The following FCGR2B variants were observed in gnomAD, a reference collection of about 807,000 sequenced individuals.
FCGR2B encodes the protein low affinity immunoglobulin gamma Fc region receptor II-b.
In FCGR2B, 18 loss-of-function variants were observed where a neutral mutation model predicts 24.8. That is an observed-to-expected ratio of 0.73 (90% CI 0.50 to 1.08). The LOEUF (loss-of-function observed/expected upper bound fraction) is 1.08, where lower values mean the gene tolerates loss of function less well. FCGR2B is among the 50% of genes least tolerant of loss of function. FCGR2B has a pLI of 0.00. For synonymous variants in FCGR2B, 79 were observed against 109.8 expected (o/e 0.72, Z 1.75); for missense variants, 215 against 297.6 (o/e 0.72, Z 2.04).
upstream of FCGR2B, among the ~76,000 whole-genome samples, chr1:161,661,219 A>AAGG (rs1491138087): frequency 5.1e-5 from 6 of 118,808 alleles, no homozygotes; most frequent in African/African-American, 2.1e-4. Flanking sequence ...AGAAAGAAAG[A>AAGG]AAGAAAGAAA....
chr1:161,677,160 G>C (rs547046965), intron 6 of FCGR2B, 168 bp from the exon 7 acceptor site: 10 of 687,722 alleles, frequency 1.5e-5, no homozygotes, highest in South Asian at 3.4e-5. Context: ...CCTATGCATC[G>C]ATCAATGAGG....
upstream of FCGR2B, among the ~76,000 whole-genome samples, chr1:161,661,093 T>TAAAGG (rs1557894634): frequency 2.8e-5 from 1 of 35,134 alleles, no homozygotes; most frequent in Admixed American, 2.8e-4. Flanking sequence ...TAAAGTAAAG[T>TAAAGG]AAAAAGAAAG....
intron 6 of FCGR2B, chr1:161,675,746 A>T (rs1269756059): frequency 4.2e-6 from 1 of 236,418 alleles, no homozygotes; most frequent in Non-Finnish European, 8.3e-6. Flanking sequence ...TGATTTGCTG[A>T]GGAATCTGCC....
upstream of FCGR2B, among the ~76,000 whole-genome samples, chr1:161,661,262 G>C (rs1309358693): frequency 1.2e-4 from 3 of 24,456 alleles, no homozygotes; most frequent in Non-Finnish European, 3.8e-4. Context: ...AAGAAAGAAA[G>C]GAAGGAAGCA....
At chr1:161,675,841 GA>G (rs1175369474) in intron 6 of FCGR2B, 3 of 234,252 alleles carry the variant, frequency 1.3e-5, no homozygotes, top group Admixed American at 5.6e-5. Flanking sequence ...AATTCTGGGG[GA>G]CTAGGGGCAC....
At chr1:161,649,419 G>C in the FCGR2B span, among the ~76,000 whole-genome samples, 1 of 151,036 alleles carries the variant, frequency 6.6e-6, no homozygotes, top group Non-Finnish European at 1.5e-5. Flanking sequence ...AAGAATGGAA[G>C]TTCATTTCTC....
the FCGR2B span, among the ~76,000 whole-genome samples, chr1:161,647,599 C>T: frequency 6.6e-6 from 1 of 150,534 alleles, no homozygotes; most frequent in Non-Finnish European, 1.5e-5. Flanking sequence ...GCCACTGTGC[C>T]CGGCCTGCTC....
the FCGR2B span, among the ~76,000 whole-genome samples, chr1:161,656,230 T>C: frequency 3.1e-4 from 46 of 148,224 alleles, 2 homozygotes; most frequent in South Asian, 8.1e-3. Flanking sequence ...TTTTTATATC[T>C]GTCTCCTGCA....
chr1:161,671,335 C>A (rs2102659767), intron 2 of FCGR2B, 57 bp from the exon 3 acceptor site: 1 of 1,613,320 alleles, frequency 6.2e-7, no homozygotes, highest in East Asian at 2.2e-5. Flanking sequence ...AGATTCAGGG[C>A]CTCTCAAGCT....
upstream of FCGR2B, among the ~76,000 whole-genome samples, chr1:161,661,156 A>T (rs1018798407): frequency 3.6e-5 from 1 of 27,734 alleles, no homozygotes; most frequent in Non-Finnish European, 9.1e-5. Context: ...GAAAGAAAGG[A>T]AGAAAGAAAG....
chr1:161,650,030 C>T, the FCGR2B span, among the ~76,000 whole-genome samples: 1 of 150,490 alleles, frequency 6.6e-6, no homozygotes, highest in East Asian at 1.9e-4. Context: ...ATTTTTTAGA[C>T]AGAGTCTCAC....
At chr1:161,677,265 T>C in intron 6 of FCGR2B, 63 bp from the exon 7 acceptor site, 1 of 1,533,830 alleles carries the variant, frequency 6.5e-7, no homozygotes. Flanking sequence ...AGCCTCAGCA[T>C]CAGCACAGGC....
At chr1:161,650,500 G>A in the FCGR2B span, among the ~76,000 whole-genome samples, 1 of 146,106 alleles carries the variant, frequency 6.8e-6, no homozygotes, top group Non-Finnish European at 1.5e-5. Context: ...CTTTGTTGTG[G>A]GGGGCTATGC....
At position 161,671,760 on chromosome 1, in the gene FCGR2B, G is replaced by A. The variant is rs558965153; in HGVS notation, c.391+111G>A. The A allele has an allele frequency of 2.6e-4, 402 of 1,560,894 alleles. 3 individuals are homozygous for A. The African/African-American group carries it at 3.9e-3, about 15-fold the overall frequency. On this transcript the variant is annotated intron_variant, in intron 3 of 7. Coordinates refer to ENST00000358671, the MANE Select transcript of FCGR2B (RefSeq NM_001394477.1). Reference sequence around the variant, plus strand: ...GGTGGCCTGCTTACTGGGAAGTATCGCTGTGAGTTGCCTCAGCACATATCA... The same window carrying A: ...GGTGGCCTGCTTACTGGGAAGTATCACTGTGAGTTGCCTCAGCACATATCA...
chr1:161,654,835 G>A, the FCGR2B span, among the ~76,000 whole-genome samples: 1 of 138,422 alleles, frequency 7.2e-6, no homozygotes, highest in South Asian at 2.4e-4. Context: ...CACTCTGATG[G>A]GTTCAAGAAA....
the FCGR2B span, among the ~76,000 whole-genome samples, chr1:161,653,464 A>G: frequency 7.4e-6 from 1 of 135,624 alleles, no homozygotes; most frequent in Admixed American, 8.0e-5. Context: ...AGAGAAATCT[A>G]ACATGACTGA....
intron 1 of FCGR2B, among the ~76,000 whole-genome samples, chr1:161,669,524 C>A (rs1177680080): frequency 7.0e-6 from 1 of 142,544 alleles, no homozygotes; most frequent in African/African-American, 2.5e-5. Context: ...GAGCCAAGAT[C>A]GCGTTATTGC....
chr1:161,673,704 G>A (rs1571028548), intron 4 of FCGR2B: 1 of 478,590 alleles, frequency 2.1e-6, no homozygotes, highest in East Asian at 3.5e-5. Context: ...TGAGGGCTAA[G>A]GGGAGCCCTT....
chr1:161,671,845 C>T, intron 3 of FCGR2B, 196 bp downstream of exon 3: 2 of 1,064,828 alleles, frequency 1.9e-6, no homozygotes, highest in Non-Finnish European at 1.3e-6. Flanking sequence ...CAAAAACAGG[C>T]AGCCAAGTGT....
Sources: allele counts gnomAD v4.1 joint callset (sites outside exome capture counted in the v4.1 genomes callset), GRCh38; gene constraint gnomAD v4.1.1; transcripts MANE v1.5; gene names NCBI Gene and HGNC (gene_info 2026-07-23, HGNC 2026-07-21).